NR2C1: variants seen among roughly 807,000 people sequenced by gnomAD.
The protein encoded by NR2C1 is nuclear receptor subfamily 2 group C member 1, also known as TR2 nuclear hormone receptor.
A neutral mutation model predicts 74.8 loss-of-function variants in NR2C1; 33 were observed. That is an observed-to-expected ratio of 0.44 (90% confidence interval 0.33 to 0.59). The LOEUF is 0.59. NR2C1 is among the 20% of genes least tolerant of loss of function. The probability of loss-of-function intolerance (pLI) is 0.02; values close to 1 mark genes in which losing one functional copy is unlikely to be tolerated. For synonymous variants in NR2C1, 225 were observed against 240.6 expected, an observed-to-expected ratio of 0.94 and a Z score of 0.60; for missense variants, 568 against 715.6, an observed-to-expected ratio of 0.79 and a Z score of 2.35.
intron 1 of NR2C1, among the ~76,000 whole-genome samples, chr12:95,070,105 A>C (rs1331376098): frequency 6.6e-6 from 1 of 151,790 alleles, no homozygotes; most frequent in East Asian, 1.9e-4. Flanking sequence ...CCAATACAAA[A>C]GTAAAATTTA....
In NR2C1 at chr12:95,062,707, A is replaced by G. The variant is rs1392749498; in HGVS notation, c.86T>C (p.Ile29Thr). 6.2e-7 allele frequency: 1 copy of G among 1,614,114 alleles called. No individual in the cohort carries two copies. Among genetic ancestry groups the G allele is most frequent in the Non-Finnish European group, 8.5e-7 (1 of 1,179,982 alleles). Residue 29 changes from isoleucine to threonine, a missense_variant, in exon 3 of 14, where the codon ATC becomes ACC. By Grantham distance (89) the Ile-to-Thr change is moderately conservative. Coordinates refer to ENST00000333003, the MANE Select transcript of NR2C1 (RefSeq NM_003297.4). ...IVTEQQTGQK[I>T]QIVTALDHNT... is the part of the protein sequence containing the mutation. ...ATGATCAAGTGCTGTCACAATCTGGATTTTCTGCCCAGTTTGCTGCTCTGT... is the reference window on the plus strand; with the variant it reads ...ATGATCAAGTGCTGTCACAATCTGGGTTTTCTGCCCAGTTTGCTGCTCTGT...
chr12:95,025,330 A>G lies in NR2C1; in HGVS notation c.1532-75T>C, dbSNP rs181971577. The G allele has an allele frequency of 5.6e-4, 422 of 752,344 alleles. 1 individual carries two copies. The highest frequency in any genetic ancestry group is 2.6e-4 in the Non-Finnish European group (122 of 461,402). 46.6% of individuals were successfully genotyped at this position (752,344 alleles called of 1,614,324 possible). Reference sequence around the variant, plus strand: ...AGACAGAGTGGATATGAAAAGAGACAGAAAGAATAGTCAAAATAGAAGCCC... The same window carrying G: ...AGACAGAGTGGATATGAAAAGAGACGGAAAGAATAGTCAAAATAGAAGCCC... On this transcript the variant is annotated intron_variant, in intron 12 of 13. Coordinates refer to ENST00000333003, the MANE Select transcript of NR2C1 (RefSeq NM_003297.4).
At chr12:95,024,536 G>T (rs964469955) in intron 13 of NR2C1, among the ~76,000 whole-genome samples, 13 of 152,246 alleles carry the variant, frequency 8.5e-5, no homozygotes, top group African/African-American at 3.1e-4. Flanking sequence ...GAAATAGCTT[G>T]GAGTGAATTT....
intron 11 of NR2C1, chr12:95,030,387 GA>G: frequency 8.6e-7 from 1 of 1,157,714 alleles, no homozygotes; most frequent in Non-Finnish European, 1.1e-6. Flanking sequence ...ACACTGTTAA[GA>G]AGAAAAAAAC....
At chr12:95,064,529 A>G (rs1875354139) in intron 2 of NR2C1, among the ~76,000 whole-genome samples, 1 of 152,120 alleles carries the variant, frequency 6.6e-6, no homozygotes, top group Admixed American at 6.6e-5. Context: ...TTTTAAGAAG[A>G]GAGAAGTAAC....
Position 95,057,603 on chromosome 12 carries a change from G to A in NR2C1, c.733C>T (p.His245Tyr). 1.2e-6 allele frequency: 2 copies of A among 1,614,018 alleles called. No homozygotes were observed. The highest frequency in any genetic ancestry group is 1.7e-6 in the Non-Finnish European group (2 of 1,179,948). Residue 245 changes from histidine (H) to tyrosine (Y), a missense_variant, in exon 7 of 14, where the codon CAT (histidine) becomes TAT (tyrosine). This residue lies in a region of NR2C1 where 239 missense variants were observed against 232.3 expected (regional missense o/e 1.03). Coordinates refer to ENST00000333003, the MANE Select transcript of NR2C1 (RefSeq NM_003297.4). ...LLDSGMFMNI[H>Y]PSGVKTESAV... ...GACTCAGTTTTTACTCCAGATGGAT[G>A]AATATTCATGAACATTCCTGAATCT... is the stretch of plus-strand genomic sequence containing the variant.
chr12:95,057,627 C>G lies in NR2C1; in HGVS notation c.709G>C (p.Asp237His), dbSNP rs759917136. The G allele has an allele frequency of 3.1e-6, 5 of 1,613,930 alleles. No homozygotes were observed. Among genetic ancestry groups the G allele is most frequent in the Middle Eastern group, 1.7e-4 (1 of 6,060 alleles). The change falls in exon 7 of 14, where the codon GAT becomes CAT. Residue 237 changes from aspartate (D) to histidine (H), a missense_variant. Around this residue, in one of 6 missense-constraint regions of NR2C1, gnomAD observed 239 missense variants for 232.3 expected, o/e 1.03. Transcript: ENST00000333003. ...TGAATATTCATGAACATTCCTGAAT[C>G]TAACAGTCCTGTTGACCTGTAACAA... is the stretch of plus-strand genomic sequence containing the variant. ...SESTRSTGLLDSGMFMNIHPS... is the reference protein window; with the variant it reads ...SESTRSTGLLHSGMFMNIHPS...
intron 10 of NR2C1, among the ~76,000 whole-genome samples, chr12:95,037,367 G>A (rs1385440980): frequency 6.6e-6 from 1 of 152,178 alleles, no homozygotes; most frequent in East Asian, 1.9e-4. Context: ...CAGAAGCCTT[G>A]TAAAATATTA....
chr12:95,064,940 G>A (rs116198417), intron 2 of NR2C1, among the ~76,000 whole-genome samples: 2,045 of 152,254 alleles, frequency 0.013, 41 homozygotes, highest in African/African-American at 0.046. Context: ...AAATTGTTTG[G>A]ATAAAAGACT....
rs955658415 is a variant in NR2C1 at position 95,054,955 on chromosome 12, T to C, written c.783+2598A>G. 2.0e-5 allele frequency among the ~76,000 whole-genome samples: 3 copies of C among 152,130 alleles called. No homozygotes were observed. In the South Asian group the frequency reaches 6.2e-4, roughly 31 times the overall value. Reference sequence around the variant, plus strand: ...ACTTGAGATTAGGGAGTGGTGATGATTCTTAACGAGCATGCTGCCTTCAAG... The same window carrying C: ...ACTTGAGATTAGGGAGTGGTGATGACTCTTAACGAGCATGCTGCCTTCAAG... On this transcript the variant is annotated intron_variant, in intron 7 of 13. Transcript: ENST00000333003.
intron 10 of NR2C1, among the ~76,000 whole-genome samples, chr12:95,034,872 A>G (rs55704935): frequency 0.021 from 3,163 of 152,246 alleles, 102 homozygotes; most frequent in African/African-American, 0.072. Flanking sequence ...TCACAATGAC[A>G]AAACTGCCTA....
At chr12:95,064,559 G>A (rs1281800324) in intron 2 of NR2C1, among the ~76,000 whole-genome samples, 1 of 152,096 alleles carries the variant, frequency 6.6e-6, no homozygotes, top group African/African-American at 2.4e-5. Flanking sequence ...CTGATAGACT[G>A]AAGGGGAATA....
intron 7 of NR2C1, among the ~76,000 whole-genome samples, chr12:95,052,150 G>C (rs1873100036): frequency 6.7e-6 from 1 of 149,838 alleles, no homozygotes; most frequent in South Asian, 2.1e-4. Flanking sequence ...ATGTTTATAT[G>C]TTACTTTGTT....
At chr12:95,063,425 G>C (rs1248559790) in intron 2 of NR2C1, among the ~76,000 whole-genome samples, 4 of 152,194 alleles carry the variant, frequency 2.6e-5, no homozygotes, top group African/African-American at 9.7e-5. Context: ...TAGAATATGG[G>C]ATCTGAGTGA....
chr12:95,048,622 GTTT>G (rs899683567), intron 9 of NR2C1, among the ~76,000 whole-genome samples: 5 of 130,512 alleles, frequency 3.8e-5, no homozygotes, highest in African/African-American at 5.5e-5. Flanking sequence ...ATGCAGATGA[GTTT>G]TTTTTTTTTT....
At chr12:95,072,641 G>T (rs1239411569) in intron 1 of NR2C1, 1 of 152,114 alleles carries the variant, frequency 6.6e-6, no homozygotes, top group Non-Finnish European at 1.5e-5. Flanking sequence ...CCTACTTACT[G>T]AAGATTATGG....
intron 6 of NR2C1, 39 bp from the exon 7 acceptor site, chr12:95,057,682 T>A (rs777723291): frequency 2.5e-6 from 4 of 1,612,602 alleles, no homozygotes; most frequent in South Asian, 2.2e-5. Context: ...TGAGTTTCAT[T>A]GGGAAGAAAA....
chr12:95,040,064 A>G (rs998044412), intron 10 of NR2C1, among the ~76,000 whole-genome samples: 1 of 151,876 alleles, frequency 6.6e-6, no homozygotes, highest in African/African-American at 2.4e-5. Context: ...TACTTTTAAC[A>G]TAACCACTGT....
At chr12:95,038,963 G>C (rs997757908) in intron 10 of NR2C1, among the ~76,000 whole-genome samples, 1 of 152,038 alleles carries the variant, frequency 6.6e-6, no homozygotes, top group Non-Finnish European at 1.5e-5. Flanking sequence ...CACACTGGAC[G>C]TTGGGCGAGG....
Sources: gnomAD v4.1 joint callset for allele counts (sites outside exome capture counted in the v4.1 genomes callset) on GRCh38, gnomAD v4.1.1 for gene constraint, gnomAD v4.1.1 regional missense constraint, MANE v1.5 for transcripts, NCBI Gene and HGNC (gene_info 2026-07-23, HGNC 2026-07-21) for gene names.